The following RB1CC1 variants were observed in gnomAD, a reference collection of about 807,000 sequenced individuals.
RB1CC1 encodes RB1-inducible coiled-coil protein 1.
RB1CC1 carries 46 observed loss-of-function variants against 177.5 expected under a neutral mutation model. The observed-to-expected ratio is 0.26, with a 90% CI of 0.20 to 0.33. The LOEUF is 0.33. Ranked by LOEUF, RB1CC1 falls within the 10% of genes least tolerant of loss-of-function variation. RB1CC1 has a pLI of 1.00. For missense variants in RB1CC1, 1,703 were observed against 1,816.3 expected (o/e 0.94, Z 1.13); for synonymous variants, 666 against 613.6 (o/e 1.09, Z -1.26).
intron 16 of RB1CC1, among the ~76,000 whole-genome samples, chr8:52,644,699 A>G (rs992370597): frequency 6.6e-6 from 1 of 152,156 alleles, no homozygotes; most frequent in Non-Finnish European, 1.5e-5. Flanking sequence ...CCTAGGCCTT[A>G]AAAATCTAAA....
At chr8:52,637,225 TCTTAA>T (rs1302488388) in intron 18 of RB1CC1, among the ~76,000 whole-genome samples, 2 of 152,160 alleles carry the variant, frequency 1.3e-5, no homozygotes, top group Admixed American at 6.6e-5. Context: ...TGCCCTACTG[TCTTAA>T]CTTTTTTCCA....
At chr8:52,649,256 TAA>T (rs2150437152) in intron 15 of RB1CC1, among the ~76,000 whole-genome samples, 1 of 152,330 alleles carries the variant, frequency 6.6e-6, no homozygotes, top group Non-Finnish European at 1.5e-5. Context: ...CTGAATACTT[TAA>T]AGAGGCCTGG....
At chr8:52,652,926 A>T (rs1452199472) in intron 15 of RB1CC1, among the ~76,000 whole-genome samples, 1 of 151,954 alleles carries the variant, frequency 6.6e-6, no homozygotes, top group Non-Finnish European at 1.5e-5. Flanking sequence ...GCGTGGTGGT[A>T]CATGCCTATA....
chr8:52,643,696 C>CAAAAA (rs34520917), intron 16 of RB1CC1, among the ~76,000 whole-genome samples: 2 of 81,084 alleles, frequency 2.5e-5, no homozygotes, highest in Non-Finnish European at 4.7e-5. Context: ...CTCTAAGAGG[C>CAAAAA]AAAAAAAAAA....
At chr8:52,686,613 G>A (rs1854296874) in intron 2 of RB1CC1, among the ~76,000 whole-genome samples, 3 of 152,104 alleles carry the variant, frequency 2.0e-5, no homozygotes, top group Admixed American at 2.0e-4. Context: ...TCATGGTCTA[G>A]CATTTTACTT....
At chr8:52,652,843 A>G (rs1269931685) in intron 15 of RB1CC1, among the ~76,000 whole-genome samples, 1 of 152,136 alleles carries the variant, frequency 6.6e-6, no homozygotes, top group Non-Finnish European at 1.5e-5. Flanking sequence ...GGATCACCTG[A>G]GGTCAGGAGT....
At chr8:52,677,104 T>C (rs956658182) in intron 5 of RB1CC1, among the ~76,000 whole-genome samples, 1 of 152,168 alleles carries the variant, frequency 6.6e-6, no homozygotes, top group African/African-American at 2.4e-5. Flanking sequence ...TAAGGATAAA[T>C]TACAAGGCAG....
rs374774118 is a variant in RB1CC1 at position 52,656,565 on chromosome 8, G to A, written c.3264C>T (p.Thr1088=). 8.7e-6 allele frequency: 14 copies of A among 1,610,794 alleles called. No individual in the cohort carries two copies. In the African/African-American group the frequency reaches 1.6e-4, roughly 19 times the overall value. Residue 1088 remains threonine (T), a synonymous_variant, in exon 15 of 24, where the codon ACC becomes ACT. Transcript: ENST00000025008. ...TCTCTTGTTCAAGAAGAGATTTCAA[G>A]GTCTCCTTCTGCTGGGCTCTGCTTT... ...LEESRAQQKE[T]LKSLLEQETE...
intron 1 of RB1CC1, among the ~76,000 whole-genome samples, chr8:52,706,203 C>A (rs2150711266): frequency 6.6e-6 from 1 of 151,712 alleles, no homozygotes; most frequent in Admixed American, 6.6e-5. Flanking sequence ...ATTTGTTGCA[C>A]CAAAAGAGTT....
intron 5 of RB1CC1, among the ~76,000 whole-genome samples, chr8:52,681,392 T>G: frequency 6.6e-6 from 1 of 152,326 alleles, no homozygotes; most frequent in Non-Finnish European, 1.5e-5. Flanking sequence ...AACAAAAATC[T>G]ATTCTTAAAT....
chr8:52,701,144 T>C (rs955180404), intron 1 of RB1CC1, among the ~76,000 whole-genome samples: 5 of 151,780 alleles, frequency 3.3e-5, no homozygotes, highest in Non-Finnish European at 5.9e-5. Context: ...TTTTTTGAGA[T>C]GGAATTTTGC....
At chr8:52,679,456 C>T (rs2150576622) in intron 5 of RB1CC1, among the ~76,000 whole-genome samples, 1 of 152,294 alleles carries the variant, frequency 6.6e-6, no homozygotes, top group Non-Finnish European at 1.5e-5. Flanking sequence ...CTGAGCCAGA[C>T]TAAATTATGT....
intron 19 of RB1CC1, among the ~76,000 whole-genome samples, chr8:52,635,347 C>T (rs1048237867): frequency 1.3e-5 from 2 of 152,136 alleles, no homozygotes; most frequent in East Asian, 3.8e-4. Flanking sequence ...AATCACATAA[C>T]CCTTTCATAA....
Position 52,624,789 on chromosome 8 carries a change from T to C in RB1CC1, c.4637-2A>G. On this transcript the variant is annotated splice_acceptor_variant, in intron 22 of 23. Transcript: ENST00000025008. LOFTEE classifies it high-confidence loss of function. The stretch of plus-strand genomic sequence containing the variant: ...AGGGTCTTCTAGATGCACCTGAAGC[T>C]AATGAAATTAAATAGTTAATCTCTT... 2.0e-6 allele frequency: 3 copies of C among 1,516,704 alleles called. No homozygotes were observed. The highest frequency in any genetic ancestry group is 2.7e-6 in the Non-Finnish European group (3 of 1,120,872). The allele number at this position is 1,516,704 out of a possible 1,614,324, so 94.0% of individuals were successfully genotyped here.
intron 1 of RB1CC1, among the ~76,000 whole-genome samples, chr8:52,696,091 C>T (rs1005081148): frequency 1.3e-5 from 2 of 152,322 alleles, no homozygotes; most frequent in Admixed American, 1.3e-4. Flanking sequence ...GTCGCCCAGA[C>T]TGGAGTGCAA....
chr8:52,694,537 G>A (rs1391740729), intron 1 of RB1CC1, among the ~76,000 whole-genome samples: 2 of 152,148 alleles, frequency 1.3e-5, no homozygotes, highest in Non-Finnish European at 2.9e-5. Context: ...TTGCCTCTTG[G>A]AGAGTAAAGC....
In RB1CC1 at chr8:52,702,649, G is replaced by A. The variant is rs113768255; in HGVS notation, c.-167+11426C>T. Among the ~76,000 whole-genome samples the A allele has an allele frequency of 7.6e-3, 1,155 of 152,264 alleles. 14 individuals carry two copies. The highest frequency in any genetic ancestry group is 0.026 in the African/African-American group (1,087 of 41,536). ...GAGGATCACTCGCACCCGGCAGGTG[G>A]AGGTTGCAGTGAGCCGAGAGCATGC... On this transcript the variant is annotated intron_variant, in intron 1 of 23. Transcript: ENST00000025008.
intron 20 of RB1CC1, among the ~76,000 whole-genome samples, chr8:52,633,026 A>G (rs1432306754): frequency 1.3e-5 from 2 of 152,122 alleles, no homozygotes; most frequent in Non-Finnish European, 2.9e-5. Flanking sequence ...AAATAATGCA[A>G]CCATTTGTCT....
intron 1 of RB1CC1, among the ~76,000 whole-genome samples, chr8:52,690,337 GTATTGA>G (rs1854721471): frequency 6.6e-6 from 1 of 152,164 alleles, no homozygotes; most frequent in Non-Finnish European, 1.5e-5. Flanking sequence ...CAAAACACGT[GTATTGA>G]TATTATGTGC....
Sources: allele counts gnomAD v4.1 joint callset (sites outside exome capture counted in the v4.1 genomes callset), GRCh38; gene constraint gnomAD v4.1.1; transcripts MANE v1.5; gene names NCBI Gene and HGNC (gene_info 2026-07-23, HGNC 2026-07-21).